The following SLC30A8 variants were observed in gnomAD, a reference collection of about 807,000 sequenced individuals.
SLC30A8 encodes solute carrier family 30 member 8, also known as proton-coupled zinc antiporter SLC30A8.
Under a neutral mutation model 36.9 loss-of-function variants are expected in SLC30A8, and 27 were observed. The observed-to-expected ratio is 0.73, with a 90% CI of 0.54 to 1.01. SLC30A8 has a LOEUF of 1.01. SLC30A8 is among the 50% of genes least tolerant of loss of function. SLC30A8 has a pLI of 0.00. For missense variants in SLC30A8, 439 were observed against 452.0 expected (o/e 0.97, Z 0.26); for synonymous variants, 164 against 172.4 (o/e 0.95, Z 0.38).
intron 2 of SLC30A8, among the ~76,000 whole-genome samples, chr8:117,059,438 G>T (rs1220955158): frequency 6.6e-6 from 1 of 152,220 alleles, no homozygotes; most frequent in East Asian, 1.9e-4. Context: ...AAGCCAAGTT[G>T]CTGAACAAAT....
chr8:117,069,908 T>G (rs1308668500), intron 2 of SLC30A8, among the ~76,000 whole-genome samples: 1 of 152,198 alleles, frequency 6.6e-6, no homozygotes, highest in Admixed American at 6.5e-5. Flanking sequence ...GATCATTAGT[T>G]TTGGTGTGGT....
At chr8:117,165,026 A>G (rs1822989147) in intron 6 of SLC30A8, among the ~76,000 whole-genome samples, 1 of 152,196 alleles carries the variant, frequency 6.6e-6, no homozygotes, top group Non-Finnish European at 1.5e-5. Context: ...TTGAAGAACT[A>G]CTGGTTTCTG....
At chr8:117,113,955 C>A (rs1453214626) in intron 2 of SLC30A8, among the ~76,000 whole-genome samples, 1 of 152,080 alleles carries the variant, frequency 6.6e-6, no homozygotes, top group Non-Finnish European at 1.5e-5. Context: ...ACGAGGACAA[C>A]AGATTAACTA....
chr8:117,069,452 A>AAAGTGAC, intron 2 of SLC30A8, among the ~76,000 whole-genome samples: 3 of 152,314 alleles, frequency 2.0e-5, no homozygotes, highest in Middle Eastern at 6.8e-3. Context: ...ATTATAATTG[A>AAAGTGAC]AAGTGACTGT....
Position 117,110,203 on chromosome 8 carries a change from G to C in SLC30A8, c.-225-25077G>C, listed in dbSNP as rs549378346. 2.0e-4 allele frequency among the ~76,000 whole-genome samples: 30 copies of C among 152,044 alleles called. No individual in the cohort carries two copies. In the South Asian group the frequency reaches 6.0e-3, roughly 30 times the overall value. ...CGTGGGCCCCAGAGAGAGGTATTGA[G>C]GCTTGCTCAAATTCTTTCCACTCCT... On this transcript the variant is annotated intron_variant, in intron 2 of 10. Transcript: ENST00000427715.
intron 6 of SLC30A8, among the ~76,000 whole-genome samples, chr8:117,168,688 G>C (rs997784585): frequency 6.6e-6 from 1 of 152,080 alleles, no homozygotes; most frequent in African/African-American, 2.4e-5. Flanking sequence ...ATTTCAAAGG[G>C]CCTAGATGAA....
chr8:117,089,171 G>A (rs903311253), intron 2 of SLC30A8, among the ~76,000 whole-genome samples: 3 of 151,988 alleles, frequency 2.0e-5, no homozygotes, highest in Non-Finnish European at 4.4e-5. Context: ...TAGCCTCTTT[G>A]GTTTTCACTG....
intron 4 of SLC30A8, among the ~76,000 whole-genome samples, chr8:117,160,448 C>CGT (rs1822730839): frequency 7.5e-6 from 1 of 133,638 alleles, no homozygotes; most frequent in African/African-American, 3.2e-5. Context: ...CGCACATGTG[C>CGT]GCGCGGTGGG....
chr8:116,953,366 G>A (rs1479360648), intron 1 of SLC30A8, among the ~76,000 whole-genome samples: 1 of 151,644 alleles, frequency 6.6e-6, no homozygotes, highest in African/African-American at 2.4e-5. Flanking sequence ...TTTCTAATAC[G>A]ACTATTTTGT....
At chr8:116,961,000 GGAAGGAAA>G (rs534909449) in intron 1 of SLC30A8, among the ~76,000 whole-genome samples, 200 of 152,030 alleles carry the variant, frequency 1.3e-3, no homozygotes, top group Non-Finnish European at 2.3e-3. Flanking sequence ...AAGGAAGGAA[GGAAGGAAA>G]GAAGGAAGGG....
At chr8:117,093,261 A>G (rs1819209395) in intron 2 of SLC30A8, among the ~76,000 whole-genome samples, 1 of 151,890 alleles carries the variant, frequency 6.6e-6, no homozygotes, top group South Asian at 2.1e-4. Context: ...CAGCTTCTGG[A>G]CCCACAATTT....
chr8:117,007,188 T>C (rs1816212653), intron 1 of SLC30A8: 1 of 151,890 alleles, frequency 6.6e-6, no homozygotes, highest in South Asian at 2.1e-4. Flanking sequence ...AATGTACCTA[T>C]AGGTAGACAA....
intron 1 of SLC30A8, among the ~76,000 whole-genome samples, chr8:116,953,198 T>C (rs892507713): frequency 6.6e-6 from 1 of 152,184 alleles, no homozygotes; most frequent in African/African-American, 2.4e-5. Context: ...TGCAAGGACA[T>C]GATTTTGTTC....
At chr8:117,030,230 T>C (rs2130738247) in intron 1 of SLC30A8, among the ~76,000 whole-genome samples, 1 of 151,420 alleles carries the variant, frequency 6.6e-6, no homozygotes, top group South Asian at 2.1e-4. Context: ...CATACATTGC[T>C]ATTATGGTGG....
intron 6 of SLC30A8, among the ~76,000 whole-genome samples, chr8:117,166,304 CT>C (rs1442234193): frequency 6.6e-6 from 1 of 151,994 alleles, no homozygotes; most frequent in Non-Finnish European, 1.5e-5. Context: ...TATTGGAGAC[CT>C]GAGGTACTTG....
intron 2 of SLC30A8, among the ~76,000 whole-genome samples, chr8:117,073,089 C>G (rs1463022884): frequency 6.6e-6 from 1 of 152,084 alleles, no homozygotes; most frequent in African/African-American, 2.4e-5. Flanking sequence ...GATCATTTTG[C>G]TGCATTTCCA....
At chr8:116,960,442 T>G (rs1814379409) in intron 1 of SLC30A8, among the ~76,000 whole-genome samples, 1 of 152,228 alleles carries the variant, frequency 6.6e-6, no homozygotes, top group African/African-American at 2.4e-5. Context: ...ACTGGGACAT[T>G]GTGGTAAGAA....
intron 1 of SLC30A8, among the ~76,000 whole-genome samples, chr8:116,955,911 C>T (rs931172943): frequency 6.6e-6 from 1 of 151,946 alleles, no homozygotes; most frequent in Admixed American, 6.6e-5. Flanking sequence ...AAATTTCTCT[C>T]GTTTTGAGCC....
At chr8:117,080,632 C>T (rs1018543225) in intron 2 of SLC30A8, among the ~76,000 whole-genome samples, 2 of 152,174 alleles carry the variant, frequency 1.3e-5, no homozygotes, top group African/African-American at 4.8e-5. Flanking sequence ...TAATGGCCTC[C>T]AGCTGCATCC....
Sources: gnomAD v4.1 joint callset for allele counts (sites outside exome capture counted in the v4.1 genomes callset) on GRCh38, gnomAD v4.1.1 for gene constraint, MANE v1.5 for transcripts, NCBI Gene and HGNC (gene_info 2026-07-23, HGNC 2026-07-21) for gene names.